SEC16B: variants seen among roughly 807,000 people sequenced by gnomAD.
SEC16B encodes the protein SEC16 homolog B, endoplasmic reticulum export factor, also known as protein transport protein Sec16B.
A neutral mutation model predicts 141.8 loss-of-function variants in SEC16B; 115 were observed. The observed-to-expected ratio is 0.81, with a 90% CI of 0.70 to 0.95. SEC16B has a LOEUF of 0.95. Among genes scored for constraint, SEC16B ranks in the 40% least tolerant of loss-of-function variants. The pLI is 0.00. For synonymous variants in SEC16B, 493 were observed against 492.5 expected (o/e 1.00, Z -0.01); for missense variants, 1,291 against 1,312.3 (o/e 0.98, Z 0.25).
At chr1:177,978,309 GATAA>G (rs1654259496) in intron 1 of SEC16B, among the ~76,000 whole-genome samples, 2 of 152,172 alleles carry the variant, frequency 1.3e-5, no homozygotes, top group Admixed American at 6.6e-5. Context: ...ATAAGTATTT[GATAA>G]ATAAATTAAT....
intron 4 of SEC16B, 79 bp from the exon 5 acceptor site, chr1:177,964,358 C>T: frequency 1.9e-6 from 2 of 1,029,670 alleles, no homozygotes; most frequent in Non-Finnish European, 2.9e-6. Flanking sequence ...CGGAAGCTGA[C>T]CTGCTCCAAA....
intron 11 of SEC16B, among the ~76,000 whole-genome samples, chr1:177,953,459 C>A (rs1325705983): frequency 1.3e-5 from 2 of 152,192 alleles, no homozygotes; most frequent in African/African-American, 2.4e-5. Flanking sequence ...CCAAGTCTGC[C>A]CCTTAAAGGA....
At chr1:177,964,084 TC>T in intron 5 of SEC16B, 86 bp downstream of exon 5, 3 of 912,462 alleles carry the variant, frequency 3.3e-6, no homozygotes, top group Non-Finnish European at 3.3e-6. Context: ...TGGACATCCA[TC>T]CCCAAGGGCC....
rs368519190 is a variant in SEC16B, at chr1:177,967,702, G to T, written c.280C>A (p.Arg94Ser). The change falls in exon 2 of 26, where the codon CGC becomes AGC. Residue 94 changes from arginine to serine, a missense_variant. Arg to Ser is a moderately radical substitution (Grantham distance 110). Coordinates refer to ENST00000308284, the MANE Select transcript of SEC16B (RefSeq NM_033127.4). ...SGVDYYEGGYRNQLYSRPGYE... is the reference protein window; with the variant it reads ...SGVDYYEGGYSNQLYSRPGYE... ...CCATACCTTGAATACAACTGATTGCGATAACCACCTTCGTAATAGTCAACT... is the reference window on the plus strand; with the variant it reads ...CCATACCTTGAATACAACTGATTGCTATAACCACCTTCGTAATAGTCAACT... 1.0e-4 allele frequency: 162 copies of T among 1,603,960 alleles called. No homozygotes were observed. In the South Asian group the frequency reaches 1.8e-3, roughly 17 times the overall value.
intron 7 of SEC16B, 133 bp downstream of exon 7, chr1:177,960,658 T>C: frequency 1.0e-6 from 1 of 973,092 alleles, no homozygotes; most frequent in Non-Finnish European, 1.5e-6. Context: ...AGGGGGTACA[T>C]GGCCCAGTTT....
intron 12 of SEC16B, chr1:177,948,573 G>T (rs752382390): frequency 2.3e-6 from 3 of 1,304,256 alleles, no homozygotes; most frequent in African/African-American, 3.0e-5. Flanking sequence ...AGTAAGCAGC[G>T]TGGTGGAAAT....
At chr1:177,955,263 A>G (rs574812240) in intron 10 of SEC16B, among the ~76,000 whole-genome samples, 4 of 151,494 alleles carry the variant, frequency 2.6e-5, no homozygotes, top group African/African-American at 9.7e-5. Flanking sequence ...TGGGAGGTGG[A>G]GGGAGAGGAT....
intron 18 of SEC16B, among the ~76,000 whole-genome samples, chr1:177,938,155 GAGCCTCCGTTCCATC>G (rs1193490499): frequency 1.3e-5 from 2 of 152,066 alleles, no homozygotes; most frequent in Non-Finnish European, 2.9e-5. Context: ...CTGACTAAAT[GAGCCTCCGTTCCATC>G]AGCCATGACC....
chr1:177,965,873 T>C lies in SEC16B; in HGVS notation c.412+20A>G. 6.7e-7 allele frequency: 1 copy of C among 1,486,228 alleles called. No individual in the cohort carries two copies. The highest frequency in any genetic ancestry group is 9.2e-7 in the Non-Finnish European group (1 of 1,083,702). 92.1% of individuals were successfully genotyped at this position (1,486,228 alleles called of 1,614,324 possible). ...GCCCCATCCCCAAATCCCAGAGGCT[T>C]CTTGGAGACTTTTCCATACCTCTTT... On this transcript the variant is annotated intron_variant, in intron 3 of 25. Coordinates refer to ENST00000308284, the MANE Select transcript of SEC16B (RefSeq NM_033127.4).
At chr1:177,952,569 T>C (rs1270932246) in intron 11 of SEC16B, among the ~76,000 whole-genome samples, 1 of 152,188 alleles carries the variant, frequency 6.6e-6, no homozygotes, top group African/African-American at 2.4e-5. Context: ...CCATGGGATA[T>C]GCTTAACAAG....
At position 177,941,964 on chromosome 1, in the gene SEC16B, A is replaced by T; in HGVS notation, c.1958T>A (p.Ile653Asn). Reference protein sequence around the residue: ...VSQALHYCEAIGAAVLSQGES... With the variant: ...VSQALHYCEANGAAVLSQGES... ...TCCCTGGCTCAAGACAGCTGCACCAATGGCTTCGCAGTAATGCAAAGCCTG... is the reference window on the plus strand; with the variant it reads ...TCCCTGGCTCAAGACAGCTGCACCATTGGCTTCGCAGTAATGCAAAGCCTG... Residue 653 changes from isoleucine (I) to asparagine (N), a missense_variant, in exon 16 of 26, where the codon ATT becomes AAT. Ile to Asn is a moderately radical substitution (Grantham distance 149). Coordinates refer to ENST00000308284, the MANE Select transcript of SEC16B (RefSeq NM_033127.4). The T allele has an allele frequency of 6.2e-7, 1 of 1,614,050 alleles. No individual in the cohort carries two copies.
intron 18 of SEC16B, 129 bp from the exon 19 acceptor site, chr1:177,937,642 C>T: frequency 1.5e-6 from 1 of 686,762 alleles, no homozygotes; most frequent in Non-Finnish European, 2.4e-6. Context: ...TCTAATGCGG[C>T]TTCCAGTAAC....
intron 1 of SEC16B, among the ~76,000 whole-genome samples, chr1:177,979,837 T>C (rs1404701984): frequency 1.3e-5 from 2 of 152,138 alleles, no homozygotes; most frequent in South Asian, 4.1e-4. Flanking sequence ...CACCTCCTTA[T>C]AGAACCATCA....
intron 10 of SEC16B, among the ~76,000 whole-genome samples, chr1:177,956,546 T>G (rs542251931): frequency 5.3e-5 from 8 of 152,236 alleles, no homozygotes. Context: ...AAGTATATCT[T>G]TTTTATATTT....
chr1:177,949,524 TAGAGAGAG>T (rs148147693), intron 12 of SEC16B, among the ~76,000 whole-genome samples: 3 of 147,640 alleles, frequency 2.0e-5, no homozygotes, highest in South Asian at 2.2e-4. Context: ...GGGGACACAG[TAGAGAGAG>T]AGAGAGAGAG....
At chr1:177,978,742 A>AATAG (rs1553237402) in intron 1 of SEC16B, among the ~76,000 whole-genome samples, 5,290 of 146,126 alleles carry the variant, frequency 0.036, 162 homozygotes, top group South Asian at 0.044. Flanking sequence ...TAAATAAATA[A>AATAG]ATAGCATAGC....
chr1:177,939,616 G>A, intron 18 of SEC16B, 86 bp downstream of exon 18: 2 of 1,173,066 alleles, frequency 1.7e-6, no homozygotes, highest in Non-Finnish European at 1.2e-6. Flanking sequence ...GAAGCAAAGG[G>A]CGAGTGCTTT....
At chr1:177,944,372 C>T (rs538399557) in intron 15 of SEC16B, among the ~76,000 whole-genome samples, 189 bp downstream of exon 15, 1 of 152,314 alleles carries the variant, frequency 6.6e-6, no homozygotes, top group South Asian at 2.1e-4. Context: ...GTTTTGCCTT[C>T]ATATTATAAA....
chr1:177,937,566 A>G (rs550971216), intron 18 of SEC16B, 53 bp from the exon 19 acceptor site: 4 of 1,389,404 alleles, frequency 2.9e-6, no homozygotes, highest in Non-Finnish European at 3.8e-6. Context: ...CGGCATTTGC[A>G]TACTGATCAC....
Sources: allele counts gnomAD v4.1 joint callset (sites outside exome capture counted in the v4.1 genomes callset), GRCh38; gene constraint gnomAD v4.1.1; transcripts MANE v1.5; gene names NCBI Gene and HGNC (gene_info 2026-07-23, HGNC 2026-07-21).